The following GLG1 variants were observed in gnomAD, a reference collection of about 807,000 sequenced individuals.
GLG1 encodes the protein golgi glycoprotein 1.
Under a neutral mutation model 160.5 loss-of-function variants are expected in GLG1, and 38 were observed. The observed-to-expected ratio is 0.24, with a 90% CI of 0.18 to 0.31. The LOEUF is 0.31. Among genes scored for constraint, GLG1 ranks in the 10% least tolerant of loss-of-function variants. The pLI, the probability that GLG1 is intolerant of heterozygous loss-of-function variation, is 1.00. For missense variants in GLG1, 1,373 were observed against 1,505.2 expected (o/e 0.91, Z 1.45); for synonymous variants, 644 against 543.4 (o/e 1.19, Z -2.57).
In GLG1 at chr16:74,477,462, A is replaced by G; in HGVS notation, c.1899T>C (p.Pro633=). The G allele has an allele frequency of 1.2e-6, 2 of 1,612,366 alleles. No homozygotes were observed. The highest frequency in any genetic ancestry group is 1.1e-5 in the South Asian group (1 of 91,046). Residue 633 remains proline, a synonymous_variant, in exon 12 of 26, where the codon CCT becomes CCC. Coordinates refer to ENST00000422840, the MANE Select transcript of GLG1 (RefSeq NM_001145667.2). The part of the protein sequence containing the change: ...HQRAMDVKLD[P]ALQDKCLIDL... The stretch of plus-strand genomic sequence containing the variant: ...CAATCAGGCACTTATCCTGGAGGGC[A>G]GGATCCAGCTTGACATCCATGGCAC...
At chr16:74,561,335 C>G (rs2018508406) in intron 1 of GLG1, among the ~76,000 whole-genome samples, 2 of 152,162 alleles carry the variant, frequency 1.3e-5, no homozygotes, top group African/African-American at 4.8e-5. Context: ...CAGTTAATTG[C>G]TTTATACGGA....
chr16:74,570,593 T>C (rs909304972), intron 1 of GLG1, among the ~76,000 whole-genome samples: 4 of 152,280 alleles, frequency 2.6e-5, no homozygotes, highest in Admixed American at 6.5e-5. Flanking sequence ...TTGTTGCTCA[T>C]GCCATCAACA....
At chr16:74,540,009 A>ATT (rs527305392) in intron 1 of GLG1, among the ~76,000 whole-genome samples, 299 of 1,052 alleles carry the variant, frequency 0.28, 103 homozygotes, top group Non-Finnish European at 0.64. Context: ...ATATATATAT[A>ATT]TTTTATATAT....
chr16:74,567,211 CAG>C (rs199518297), intron 1 of GLG1, among the ~76,000 whole-genome samples: 115 of 146,380 alleles, frequency 7.9e-4, no homozygotes, highest in Non-Finnish European at 7.8e-4. Context: ...GAGAGAGAGA[CAG>C]AGAGAGAGAG....
intron 2 of GLG1, among the ~76,000 whole-genome samples, chr16:74,525,340 G>T (rs143848249): frequency 0.018 from 2,750 of 152,308 alleles, 40 homozygotes; most frequent in Non-Finnish European, 0.027. Flanking sequence ...TGAGCGTGAA[G>T]TAATATCTCA....
chr16:74,591,692 A>C (rs1958189163), intron 1 of GLG1, among the ~76,000 whole-genome samples: 1 of 152,174 alleles, frequency 6.6e-6, no homozygotes, highest in South Asian at 2.1e-4. Context: ...GGCTAAGTTT[A>C]GTATTTATAT....
intron 1 of GLG1, among the ~76,000 whole-genome samples, chr16:74,593,078 T>C (rs968249154): frequency 2.6e-5 from 4 of 152,170 alleles, no homozygotes; most frequent in African/African-American, 7.2e-5. Flanking sequence ...CATGGGATGA[T>C]GCAGCAAGCT....
chr16:74,451,578 C>T lies in GLG1; in HGVS notation c.*1589G>A, dbSNP rs1429715105. 2 of 170,948 alleles carry T rather than the reference C, an allele frequency of 1.2e-5. No homozygotes were observed. The highest frequency in any genetic ancestry group is 1.1e-4 in the Admixed American group (2 of 17,880). The allele number at this position is 170,948 out of a possible 1,614,324, so 10.6% of individuals were successfully genotyped here. A position where few individuals can be genotyped will look rare whatever the true frequency, so the allele number is the denominator to read the frequency against. On this transcript the variant is annotated 3_prime_UTR_variant, in exon 26 of 26. Transcript: ENST00000422840. ...GAGCAGAGGCAAGAGTGGGGGGCGC[C>T]GAGGGCAGGCCTTGGTCTACATGGA...
chr16:74,580,138 C>T (rs1403940201), intron 1 of GLG1, among the ~76,000 whole-genome samples: 1 of 152,050 alleles, frequency 6.6e-6, no homozygotes, highest in East Asian at 1.9e-4. Context: ...TTTTAAAACA[C>T]AGGCCTAAAT....
intron 11 of GLG1, among the ~76,000 whole-genome samples, chr16:74,478,639 C>T (rs1009185935): frequency 3.9e-5 from 6 of 152,052 alleles, no homozygotes; most frequent in East Asian, 1.9e-4. Flanking sequence ...AGACCAGGAG[C>T]GGTGGCTCAC....
chr16:74,521,635 C>T (rs569935072), intron 2 of GLG1, among the ~76,000 whole-genome samples: 1 of 152,204 alleles, frequency 6.6e-6, no homozygotes, highest in South Asian at 2.1e-4. Context: ...GAGTTTCGTT[C>T]TGGAAATGAC....
Position 74,554,183 on chromosome 16 carries a change from ATTAT to A in GLG1, c.439-22034_439-22031del, listed in dbSNP as rs2018286041. Among the ~76,000 whole-genome samples the A allele has an allele frequency of 2.0e-5, 3 of 152,228 alleles. No individual in the cohort carries two copies. The South Asian group carries it at 6.2e-4, about 31-fold the overall frequency. ...AATACAATGTGTACAATTCCTCAGA[ATTAT>A]TTATTTAAACCCTACTTTGTTACAA... On this transcript the variant is annotated intron_variant, in intron 1 of 25. Transcript: ENST00000422840.
chr16:74,527,016 A>T (rs1435253428), intron 2 of GLG1, among the ~76,000 whole-genome samples: 1 of 152,158 alleles, frequency 6.6e-6, no homozygotes, highest in East Asian at 1.9e-4. Flanking sequence ...AAATACCATT[A>T]ACTGAACAAT....
Position 74,477,477 on chromosome 16 carries a change from A to T in GLG1, c.1884T>A (p.Asp628Glu). 6.2e-7 allele frequency: 1 copy of T among 1,612,542 alleles called. No individual in the cohort carries two copies. The highest frequency in any genetic ancestry group is 8.5e-7 in the Non-Finnish European group (1 of 1,178,500). ...CCTGGAGGGCAGGATCCAGCTTGAC[A>T]TCCATGGCACGCTGGTGTAGGATCC... Reference protein sequence around the residue: ...VQRILHQRAMDVKLDPALQDK... With the variant: ...VQRILHQRAMEVKLDPALQDK... The change falls in exon 12 of 26, where the codon GAT becomes GAA. Residue 628 changes from aspartate (D) to glutamate (E), a missense_variant. Around this residue, in one of 4 missense-constraint regions of GLG1, gnomAD observed 386 missense variants for 388.5 expected, o/e 0.99. Coordinates refer to ENST00000422840, the MANE Select transcript of GLG1 (RefSeq NM_001145667.2).
chr16:74,506,581 CAAAAA>C (rs56175030), intron 3 of GLG1, among the ~76,000 whole-genome samples: 28 of 39,052 alleles, frequency 7.2e-4, no homozygotes, highest in African/African-American at 1.5e-3. Flanking sequence ...GACTCCGTCT[CAAAAA>C]AAAAAAAAAA....
At chr16:74,601,321 C>A (rs1489421016) in intron 1 of GLG1, among the ~76,000 whole-genome samples, 1 of 151,936 alleles carries the variant, frequency 6.6e-6, no homozygotes, top group Non-Finnish European at 1.5e-5. Context: ...GTGGCTCCGC[C>A]TGTAACCTCA....
intron 1 of GLG1, among the ~76,000 whole-genome samples, chr16:74,595,263 T>C (rs1958272120): frequency 6.7e-6 from 1 of 148,948 alleles, no homozygotes; most frequent in South Asian, 2.1e-4. Flanking sequence ...GGGCTCTGGG[T>C]GTGGTGGCTC....
At chr16:74,586,012 G>A (rs1402866230) in intron 1 of GLG1, among the ~76,000 whole-genome samples, 3 of 146,332 alleles carry the variant, frequency 2.1e-5, no homozygotes, top group African/African-American at 5.1e-5. Flanking sequence ...GTAGTGAGCC[G>A]AGATCACACC....
chr16:74,543,995 G>A (rs1420826582), intron 1 of GLG1, among the ~76,000 whole-genome samples: 1 of 152,206 alleles, frequency 6.6e-6, no homozygotes, highest in Non-Finnish European at 1.5e-5. Context: ...TTCCAAGGAA[G>A]GGAAAATATT....
Sources: allele counts gnomAD v4.1 joint callset (sites outside exome capture counted in the v4.1 genomes callset), GRCh38; gene constraint gnomAD v4.1.1; regional missense constraint gnomAD v4.1.1; transcripts MANE v1.5; gene names NCBI Gene and HGNC (gene_info 2026-07-23, HGNC 2026-07-21).